TRAPPC8: variants seen among roughly 807,000 people sequenced by gnomAD.
The protein encoded by TRAPPC8 is trafficking protein particle complex subunit 8.
In TRAPPC8, 54 loss-of-function variants were observed where a neutral mutation model predicts 174.3. The ratio of observed to expected loss-of-function variants is 0.31; its 90% CI spans 0.25 to 0.39. The LOEUF (loss-of-function observed/expected upper bound fraction) is 0.39, where lower values mean the gene tolerates loss of function less well. Among genes scored for constraint, TRAPPC8 ranks in the 10% least tolerant of loss-of-function variants. TRAPPC8 has a pLI of 1.00. For synonymous variants in TRAPPC8, 630 were observed against 579.9 expected (o/e 1.09, Z -1.24); for missense variants, 1,531 against 1,699.1 (o/e 0.90, Z 1.74).
At chr18:31,928,872 G>T (rs1307916528) in intron 2 of TRAPPC8, among the ~76,000 whole-genome samples, 1 of 152,042 alleles carries the variant, frequency 6.6e-6, no homozygotes, top group Non-Finnish European at 1.5e-5. Flanking sequence ...AAAGGTCTAC[G>T]AGAGGCCTTA....
intron 25 of TRAPPC8, among the ~76,000 whole-genome samples, chr18:31,847,459 A>C (rs2033468680): frequency 6.6e-6 from 1 of 152,198 alleles, no homozygotes; most frequent in Non-Finnish European, 1.5e-5. Context: ...GCAAACACAA[A>C]GGCTTAATTT....
intron 2 of TRAPPC8, among the ~76,000 whole-genome samples, chr18:31,923,606 A>G (rs779734025): frequency 6.6e-6 from 1 of 152,214 alleles, no homozygotes; most frequent in African/African-American, 2.4e-5. Flanking sequence ...TCACTTTTCT[A>G]TGATCTCCAA....
intron 20 of TRAPPC8, among the ~76,000 whole-genome samples, chr18:31,856,016 CCTGT>C (rs754577943): frequency 1.1e-4 from 17 of 152,126 alleles, no homozygotes; most frequent in Non-Finnish European, 1.9e-4. Flanking sequence ...TACTAGTCTC[CCTGT>C]CTAAGTTTTT....
rs773885340 is a variant in TRAPPC8 at position 31,867,487 on chromosome 18, A to G, written c.2389-11T>C. 30 of 1,546,636 alleles carry G rather than the reference A, an allele frequency of 1.9e-5. No individual in the cohort carries two copies. The East Asian group carries it at 5.9e-4, about 30-fold the overall frequency. ...AGGTTCACTTGTAACCTAAAAAATA[A>G]ATTTCATAAATTATACATTCCAATG... On this transcript the variant is annotated splice_polypyrimidine_tract_variant and intron_variant, in intron 16 of 28. Transcript: ENST00000283351.
intron 12 of TRAPPC8, 61 bp from the exon 13 acceptor site, chr18:31,874,765 A>G (rs77601127): frequency 0.066 from 92,279 of 1,389,100 alleles, 3,213 homozygotes; most frequent in Middle Eastern, 0.098. Flanking sequence ...TAGAAAAAAC[A>G]AATACAAACA....
At chr18:31,922,794 G>C (rs1265120927) in intron 2 of TRAPPC8, among the ~76,000 whole-genome samples, 2 of 151,974 alleles carry the variant, frequency 1.3e-5, no homozygotes, top group African/African-American at 2.4e-5. Flanking sequence ...GAGGCAGGCT[G>C]ATCACTTGAG....
chr18:31,852,420 A>G, intron 24 of TRAPPC8, 26 bp downstream of exon 24: 1 of 1,612,586 alleles, frequency 6.2e-7, no homozygotes, highest in Non-Finnish European at 8.5e-7. Context: ...ACTTAACATC[A>G]AACACTACTA....
At chr18:31,925,355 G>C (rs995063350) in intron 2 of TRAPPC8, among the ~76,000 whole-genome samples, 1 of 151,302 alleles carries the variant, frequency 6.6e-6, no homozygotes, top group Non-Finnish European at 1.5e-5. Context: ...TCACAATAAA[G>C]GAAAATCTAG....
intron 5 of TRAPPC8, among the ~76,000 whole-genome samples, chr18:31,911,728 G>A (rs2036912718): frequency 7.5e-6 from 1 of 134,182 alleles, no homozygotes; most frequent in Non-Finnish European, 1.5e-5. Context: ...CTGCACTCCG[G>A]CCTGGGCGAT....
chr18:31,936,103 T>C (rs1286510540), intron 1 of TRAPPC8, among the ~76,000 whole-genome samples: 1 of 151,970 alleles, frequency 6.6e-6, no homozygotes, highest in Non-Finnish European at 1.5e-5. Context: ...ACCTGTGTGC[T>C]ACTCAGGAGG....
chr18:31,908,609 T>C, intron 7 of TRAPPC8, 145 bp downstream of exon 7: 2 of 983,438 alleles, frequency 2.0e-6, no homozygotes, highest in Non-Finnish European at 1.4e-6. Flanking sequence ...GAACAGAATT[T>C]CATCATTGAT....
At chr18:31,885,103 T>C (rs2035643442) in intron 12 of TRAPPC8, among the ~76,000 whole-genome samples, 1 of 152,066 alleles carries the variant, frequency 6.6e-6, no homozygotes, top group South Asian at 2.1e-4. Context: ...GTGATCCGCC[T>C]GCGTCGGCCT....
chr18:31,855,575 T>C, intron 21 of TRAPPC8, 85 bp downstream of exon 21: 1 of 1,220,032 alleles, frequency 8.2e-7, no homozygotes, highest in South Asian at 1.5e-5. Flanking sequence ...TGCTGTCTTG[T>C]AAAGGAAAAC....
chr18:31,852,394 ATATGC>A (rs1598606822), intron 24 of TRAPPC8, 47 bp downstream of exon 24: 13 of 1,587,362 alleles, frequency 8.2e-6, no homozygotes, highest in Non-Finnish European at 1.1e-5. Flanking sequence ...AAATACCCAG[ATATGC>A]TATAACTATG....
At position 31,832,173 on chromosome 18, in the gene TRAPPC8, G is replaced by C; in HGVS notation, c.3984C>G (p.Ser1328Arg). The C allele has an allele frequency of 6.8e-7, 1 of 1,478,694 alleles. No homozygotes were observed. Among genetic ancestry groups the C allele is most frequent in the East Asian group, 2.6e-5 (1 of 37,952 alleles). The allele number at this position is 1,478,694 out of a possible 1,614,324, so 91.6% of individuals were successfully genotyped here. The change falls in exon 28 of 29, where the codon AGC becomes AGG. Residue 1328 changes from serine to arginine, a missense_variant and splice_region_variant. Coordinates refer to ENST00000283351, the MANE Select transcript of TRAPPC8 (RefSeq NM_014939.5). ...AAAGAGTGACTGGTACTAAACAAAGGCTATGGAAGAAAAATAAACAAAAAA... is the reference window on the plus strand; with the variant it reads ...AAAGAGTGACTGGTACTAAACAAAGCCTATGGAAGAAAAATAAACAAAAAA... ...ESFNHPFHQK[S>R]LCLVPVTLLL...
At chr18:31,855,454 C>G (rs1047316884) in intron 21 of TRAPPC8, among the ~76,000 whole-genome samples, 2 of 152,022 alleles carry the variant, frequency 1.3e-5, no homozygotes, top group Non-Finnish European at 2.9e-5. Flanking sequence ...ATATTAATAT[C>G]AGAAGATCTT....
At chr18:31,917,851 C>T (rs1381609132) in intron 2 of TRAPPC8, among the ~76,000 whole-genome samples, 184 bp from the exon 3 acceptor site, 1 of 152,092 alleles carries the variant, frequency 6.6e-6, no homozygotes, top group Non-Finnish European at 1.5e-5. Flanking sequence ...GGGCCTGGCA[C>T]GGTGGCTCAG....
chr18:31,851,016 T>TG (rs1394616802), intron 24 of TRAPPC8, among the ~76,000 whole-genome samples: 1 of 152,176 alleles, frequency 6.6e-6, no homozygotes, highest in Admixed American at 6.5e-5. Context: ...TTTTGAAACT[T>TG]GGAGATATTT....
At chr18:31,839,089 T>C (rs1598585020) in intron 27 of TRAPPC8, among the ~76,000 whole-genome samples, 1 of 152,224 alleles carries the variant, frequency 6.6e-6, no homozygotes, top group East Asian at 1.9e-4. Flanking sequence ...TCCAGCTATT[T>C]ACCAAAATTA....
Sources: gnomAD v4.1 joint callset for allele counts (sites outside exome capture counted in the v4.1 genomes callset) on GRCh38, gnomAD v4.1.1 for gene constraint, MANE v1.5 for transcripts, NCBI Gene and HGNC (gene_info 2026-07-23, HGNC 2026-07-21) for gene names.